Variants in NCAM1 observed in about 807,000 individuals in gnomAD.
The protein encoded by NCAM1 is neural cell adhesion molecule 1, also known as antigen recognized by monoclonal antibody 5.1H11.
NCAM1 carries 14 observed loss-of-function variants against 109.8 expected under a neutral mutation model. The observed-to-expected ratio is 0.13, with a 90% CI of 0.08 to 0.20. NCAM1 has a LOEUF of 0.20. NCAM1 is among the 10% of genes least tolerant of loss of function. The pLI, the probability that NCAM1 is intolerant of heterozygous loss-of-function variation, is 1.00. For missense variants in NCAM1, 774 were observed against 1,109.9 expected (o/e 0.70, Z 4.30); for synonymous variants, 418 against 442.9 (o/e 0.94, Z 0.70).
intron 1 of NCAM1, among the ~76,000 whole-genome samples, chr11:113,067,951 C>T: frequency 6.8e-6 from 1 of 146,614 alleles, no homozygotes; most frequent in Admixed American, 7.0e-5. Flanking sequence ...CGCTCTGTCA[C>T]CCAGGCTGAA....
chr11:113,234,683 T>G (rs4646982), intron 13 of NCAM1, among the ~76,000 whole-genome samples: 43,302 of 152,218 alleles, frequency 0.28, 6,382 homozygotes, highest in South Asian at 0.39. Context: ...ACATTTCATG[T>G]ATCCATTCAT....
chr11:113,079,383 A>G (rs1237446646), intron 1 of NCAM1, among the ~76,000 whole-genome samples: 1 of 152,016 alleles, frequency 6.6e-6, no homozygotes, highest in Non-Finnish European at 1.5e-5. Flanking sequence ...GCCCGCAGTG[A>G]CCCCAGCACC....
At chr11:113,067,493 T>C (rs1236380298) in intron 1 of NCAM1, among the ~76,000 whole-genome samples, 1 of 152,234 alleles carries the variant, frequency 6.6e-6, no homozygotes, top group African/African-American at 2.4e-5. Flanking sequence ...GGCTTTGTGA[T>C]TCATGGGCTC....
At chr11:112,971,313 T>C (rs535492058) in intron 1 of NCAM1, among the ~76,000 whole-genome samples, 1 of 152,168 alleles carries the variant, frequency 6.6e-6, no homozygotes, top group East Asian at 1.9e-4. Flanking sequence ...TACATTCTTT[T>C]GGCTCAGGTC....
chr11:113,008,398 A>G (rs184944721), intron 1 of NCAM1, among the ~76,000 whole-genome samples: 163 of 152,358 alleles, frequency 1.1e-3, no homozygotes, highest in Non-Finnish European at 1.7e-3. Flanking sequence ...ATACATGGCT[A>G]TAATGAATGT....
chr11:113,201,211 G>T (rs146898562), intron 1 of NCAM1, among the ~76,000 whole-genome samples: 10 of 152,254 alleles, frequency 6.6e-5, no homozygotes, highest in Non-Finnish European at 8.8e-5. Flanking sequence ...CCTGCAGTCG[G>T]CTGAGGACAA....
intron 1 of NCAM1, among the ~76,000 whole-genome samples, chr11:113,003,590 C>T (rs1951812270): frequency 6.6e-6 from 1 of 152,136 alleles, no homozygotes; most frequent in Admixed American, 6.5e-5. Context: ...GATTTCCCCC[C>T]TATGTGGAAA....
At chr11:113,143,639 A>G (rs1941911345) in intron 1 of NCAM1, among the ~76,000 whole-genome samples, 2 of 152,232 alleles carry the variant, frequency 1.3e-5, no homozygotes, top group African/African-American at 2.4e-5. Flanking sequence ...AGTGACAGGA[A>G]AATTCTGCCA....
At chr11:113,023,948 C>T (rs554793602) in intron 1 of NCAM1, among the ~76,000 whole-genome samples, 5 of 152,004 alleles carry the variant, frequency 3.3e-5, no homozygotes, top group Non-Finnish European at 7.4e-5. Context: ...AAATCACAGA[C>T]ACAGGTTTGC....
In NCAM1 at chr11:113,078,778, C is replaced by T. The variant is rs181327210; in HGVS notation, c.52+117114C>T. On this transcript the variant is annotated intron_variant, in intron 1 of 19. Coordinates refer to ENST00000316851, the MANE Select transcript of NCAM1 (RefSeq NM_181351.5). Reference sequence around the variant, plus strand: ...CTTCTAATCACAGCTGACTTGAGCCCGGTTGGTGACCTGTCTCAAGATCAT... The same window carrying T: ...CTTCTAATCACAGCTGACTTGAGCCTGGTTGGTGACCTGTCTCAAGATCAT... Among the ~76,000 whole-genome samples the T allele has an allele frequency of 2.5e-3, 374 of 152,248 alleles. 1 individual carries two copies. The highest frequency in any genetic ancestry group is 8.3e-3 in the African/African-American group (344 of 41,542).
intron 9 of NCAM1, chr11:113,231,303 T>C: frequency 6.5e-7 from 1 of 1,535,166 alleles, no homozygotes; most frequent in Non-Finnish European, 8.7e-7. Context: ...TGCTGCAATA[T>C]CTGCTGGCCG....
intron 1 of NCAM1, among the ~76,000 whole-genome samples, chr11:113,043,944 C>CTTT (rs59982668): frequency 7.0e-6 from 1 of 142,202 alleles, no homozygotes; most frequent in Non-Finnish European, 1.6e-5. Context: ...GAGTAGTTTC[C>CTTT]TTTTTTTTTT....
chr11:113,195,679 A>G (rs1265294737), intron 1 of NCAM1, among the ~76,000 whole-genome samples: 2 of 150,738 alleles, frequency 1.3e-5, no homozygotes, highest in African/African-American at 2.4e-5. Flanking sequence ...ATTTGTTTGT[A>G]TTTTTTTTAG....
chr11:113,246,477 G>A (rs895190896), intron 15 of NCAM1, 107 bp downstream of exon 15: 1 of 683,046 alleles, frequency 1.5e-6, no homozygotes, highest in Non-Finnish European at 2.7e-6. Context: ...AGCCATTTGA[G>A]AGATTTCCTC....
intron 1 of NCAM1, among the ~76,000 whole-genome samples, chr11:113,091,088 A>G (rs1157095456): frequency 1.3e-5 from 2 of 152,188 alleles, no homozygotes; most frequent in Non-Finnish European, 2.9e-5. Flanking sequence ...AGTTGTCACA[A>G]GTTTGATTTC....
At chr11:113,063,889 A>T (rs997005730) in intron 1 of NCAM1, among the ~76,000 whole-genome samples, 3 of 152,212 alleles carry the variant, frequency 2.0e-5, no homozygotes, top group Non-Finnish European at 4.4e-5. Context: ...ATTAGCTTGA[A>T]ATCAGTCCAC....
chr11:112,985,209 G>T (rs549669093), intron 1 of NCAM1, among the ~76,000 whole-genome samples: 3 of 149,812 alleles, frequency 2.0e-5, no homozygotes, highest in East Asian at 3.9e-4. Context: ...CATATCCTTG[G>T]GTTTATTTCT....
intron 9 of NCAM1, among the ~76,000 whole-genome samples, chr11:113,229,326 G>GA (rs1392248046): frequency 6.6e-6 from 1 of 152,198 alleles, no homozygotes; most frequent in African/African-American, 2.4e-5. Context: ...AAAGACACAT[G>GA]AAAAAAGGCT....
At chr11:113,139,761 A>G (rs1941745331) in intron 1 of NCAM1, among the ~76,000 whole-genome samples, 2 of 152,198 alleles carry the variant, frequency 1.3e-5, no homozygotes, top group South Asian at 4.1e-4. Flanking sequence ...TTCAGCAAAA[A>G]AAAAAGTCAT....
Sources: allele counts gnomAD v4.1 joint callset (sites outside exome capture counted in the v4.1 genomes callset), GRCh38; gene constraint gnomAD v4.1.1; transcripts MANE v1.5; gene names NCBI Gene and HGNC (gene_info 2026-07-23, HGNC 2026-07-21).